GRXCR1: variants seen among roughly 807,000 people sequenced by gnomAD.
GRXCR1 encodes glutaredoxin and cysteine rich domain containing 1.
A neutral mutation model predicts 27.3 loss-of-function variants in GRXCR1; 27 were observed. That is an observed-to-expected ratio of 0.99 (90% CI 0.73 to 1.37). GRXCR1 has a LOEUF of 1.37. Among genes scored for constraint, GRXCR1 ranks in the 40% most tolerant of loss-of-function variants. The pLI is 0.00. For synonymous variants in GRXCR1, 122 were observed against 131.1 expected (o/e 0.93, Z 0.47); for missense variants, 379 against 354.4 (o/e 1.07, Z -0.56).
chr4:42,961,555 A>G (rs539965296), intron 1 of GRXCR1, among the ~76,000 whole-genome samples: 2 of 152,162 alleles, frequency 1.3e-5, no homozygotes, highest in East Asian at 3.9e-4. Context: ...TGCTATTCTT[A>G]GCATTTCCCT....
intron 2 of GRXCR1, among the ~76,000 whole-genome samples, chr4:43,013,234 T>C (rs1304228721): frequency 6.6e-6 from 1 of 152,184 alleles, no homozygotes; most frequent in Non-Finnish European, 1.5e-5. Flanking sequence ...ACAGCACTAT[T>C]CACAATAGCA....
Position 42,925,388 on chromosome 4 carries a change from A to G in GRXCR1, c.384+31738A>G, listed in dbSNP as rs181142656. ...AATGTAAAAAACTTGAAATAATTCA[A>G]TTCCACAAGCAAATAAGAAGTGAGG... On this transcript the variant is annotated intron_variant, in intron 1 of 3. Transcript: ENST00000399770. Among the ~76,000 whole-genome samples, 247 of 152,158 alleles carry G rather than the reference A, an allele frequency of 1.6e-3. 1 individual carries two copies. Among genetic ancestry groups the G allele is most frequent in the African/African-American group, 5.7e-3 (238 of 41,552 alleles).
At chr4:43,014,776 A>G (rs1276587032) in intron 2 of GRXCR1, among the ~76,000 whole-genome samples, 1 of 152,170 alleles carries the variant, frequency 6.6e-6, no homozygotes, top group Non-Finnish European at 1.5e-5. Context: ...AGAAACACCC[A>G]CTTGGAATTG....
At chr4:42,970,499 G>C (rs1160365448) in intron 2 of GRXCR1, among the ~76,000 whole-genome samples, 1 of 152,234 alleles carries the variant, frequency 6.6e-6, no homozygotes, top group Non-Finnish European at 1.5e-5. Context: ...ATACTTGCAG[G>C]CCCAACACCA....
intron 1 of GRXCR1, among the ~76,000 whole-genome samples, chr4:42,943,552 G>A (rs1747672890): frequency 6.6e-6 from 1 of 151,936 alleles, no homozygotes; most frequent in African/African-American, 2.4e-5. Context: ...ACCTCCTGTG[G>A]GTCTTAGGTT....
chr4:43,011,012 T>C (rs866640934), intron 2 of GRXCR1, among the ~76,000 whole-genome samples: 1 of 152,316 alleles, frequency 6.6e-6, no homozygotes, highest in Middle Eastern at 3.4e-3. Flanking sequence ...CAGGATTTCA[T>C]GTGGCTGAGC....
chr4:42,927,600 T>C (rs540575461), intron 1 of GRXCR1, among the ~76,000 whole-genome samples: 3 of 151,996 alleles, frequency 2.0e-5, no homozygotes, highest in East Asian at 1.9e-4. Flanking sequence ...GAGAGATGAA[T>C]ATATGGGAAA....
intron 2 of GRXCR1, among the ~76,000 whole-genome samples, chr4:42,981,859 T>A (rs1450584993): frequency 6.6e-6 from 1 of 152,210 alleles, no homozygotes; most frequent in African/African-American, 2.4e-5. Flanking sequence ...CGGGATCTTC[T>A]CTTTATCTTT....
At chr4:43,000,620 TATTA>T (rs1232262819) in intron 2 of GRXCR1, among the ~76,000 whole-genome samples, 2 of 152,116 alleles carry the variant, frequency 1.3e-5, no homozygotes, top group African/African-American at 4.8e-5. Context: ...TCTATTTTAC[TATTA>T]ATTGTTGATA....
chr4:42,908,117 TGCATGGCATGATGCCTGGCAGGGCCA>T (rs1560644834), intron 1 of GRXCR1, among the ~76,000 whole-genome samples: 1 of 152,210 alleles, frequency 6.6e-6, no homozygotes, highest in Non-Finnish European at 1.5e-5. Flanking sequence ...GTGGCAGGTC[TGCATGGCATGATGCCTGGCAGGGCCA>T]GTGTTCCTTC....
At chr4:42,968,148 G>A (rs1017949530) in intron 2 of GRXCR1, among the ~76,000 whole-genome samples, 3 of 151,858 alleles carry the variant, frequency 2.0e-5, no homozygotes, top group South Asian at 2.1e-4. Context: ...TTGGTCTTCC[G>A]ACTCTCAAGT....
chr4:42,987,219 AT>A (rs1465888628), intron 2 of GRXCR1, among the ~76,000 whole-genome samples: 4,881 of 46,732 alleles, frequency 0.1, 141 homozygotes, highest in Non-Finnish European at 0.14. Context: ...TATTATATAT[AT>A]ATTATATATT....
chr4:42,974,022 G>A (rs1465103239), intron 2 of GRXCR1, among the ~76,000 whole-genome samples: 2 of 152,134 alleles, frequency 1.3e-5, no homozygotes, highest in East Asian at 3.9e-4. Context: ...AGTTGTTATA[G>A]AACCAACGTT....
chr4:42,937,601 T>C (rs911939934), intron 1 of GRXCR1, among the ~76,000 whole-genome samples: 1 of 151,886 alleles, frequency 6.6e-6, no homozygotes, highest in Non-Finnish European at 1.5e-5. Flanking sequence ...CACGAGTTCA[T>C]ACTGGTGCCC....
chr4:42,978,306 C>G (rs755910889), intron 2 of GRXCR1, among the ~76,000 whole-genome samples: 1 of 151,990 alleles, frequency 6.6e-6, no homozygotes, highest in Non-Finnish European at 1.5e-5. Flanking sequence ...TTTGTCATTC[C>G]ATATGAATTT....
At chr4:42,907,241 A>C (rs1436374734) in intron 1 of GRXCR1, among the ~76,000 whole-genome samples, 1 of 152,136 alleles carries the variant, frequency 6.6e-6, no homozygotes, top group Non-Finnish European at 1.5e-5. Context: ...TTGGGGGTGC[A>C]TCAGCCAGCA....
chr4:42,924,644 G>T (rs903162798), intron 1 of GRXCR1, among the ~76,000 whole-genome samples: 3 of 151,978 alleles, frequency 2.0e-5, no homozygotes, highest in African/African-American at 7.2e-5. Context: ...AATGTTTCTG[G>T]GTGCTGTGTA....
chr4:43,022,408 C>A (rs1713123984), intron 3 of GRXCR1, among the ~76,000 whole-genome samples: 1 of 152,174 alleles, frequency 6.6e-6, no homozygotes, highest in Non-Finnish European at 1.5e-5. Context: ...TAGATAATCT[C>A]TCTCTCTCCA....
chr4:42,951,275 C>T (rs1413669179), intron 1 of GRXCR1, among the ~76,000 whole-genome samples: 1 of 152,194 alleles, frequency 6.6e-6, no homozygotes, highest in East Asian at 1.9e-4. Context: ...GGAAGGCTAT[C>T]TGCTTCTAAA....
Sources: gnomAD v4.1 joint callset for allele counts (sites outside exome capture counted in the v4.1 genomes callset) on GRCh38, gnomAD v4.1.1 for gene constraint, MANE v1.5 for transcripts, NCBI Gene and HGNC (gene_info 2026-07-23, HGNC 2026-07-21) for gene names.